Variants in TRIM11 observed in about 807,000 individuals in gnomAD.
TRIM11 encodes tripartite motif containing 11.
In TRIM11, 15 loss-of-function variants were observed where a neutral mutation model predicts 33.4. The observed-to-expected ratio is 0.45, with a 90% CI of 0.30 to 0.69. The LOEUF is 0.69. Among genes scored for constraint, TRIM11 ranks in the 30% least tolerant of loss-of-function variants. The pLI is 0.08. For synonymous variants in TRIM11, 281 were observed against 302.6 expected, an observed-to-expected ratio of 0.93 and a Z score of 0.74; for missense variants, 499 against 667.6, an observed-to-expected ratio of 0.75 and a Z score of 2.78.
rs1656216481 is a variant in TRIM11 at position 228,401,458 on chromosome 1, G to T, written c.505-264C>A. Among the ~76,000 whole-genome samples the T allele has an allele frequency of 6.6e-6, 1 of 151,914 alleles. No homozygotes were observed. Among genetic ancestry groups the T allele is most frequent in the African/African-American group, 2.4e-5 (1 of 41,312 alleles). The stretch of plus-strand genomic sequence containing the variant: ...AGCCAAATCCCATTCTACCACACAG[G>T]ACTGGCTAGACCCCAAATCTAAACC... On this transcript the variant is annotated intron_variant, in intron 2 of 5. Transcript: ENST00000284551. The surrounding 1 kb of genome is among the most constrained non-coding windows in gnomAD (Gnocchi z 6.1).
chr1:228,406,331 C>A lies in TRIM11; in HGVS notation c.231G>T (p.Met77Ile). Residue 77 changes from methionine to isoleucine, a missense_variant, in exon 1 of 6, where the codon ATG (methionine) becomes ATT (isoleucine). Physicochemically the swap from Met to Ile is conservative, Grantham distance 10 (BLOSUM62 1). Transcript: ENST00000284551. The surrounding 1 kb of genome is among the most constrained non-coding windows in gnomAD (Gnocchi z 8.2). ...GCGACGGCGGGTGCAGGCGCCGCGCCATCTCGGCCATCTTAGCAAGCGGGC... is the reference window on the plus strand; with the variant it reads ...GCGACGGCGGGTGCAGGCGCCGCGCAATCTCGGCCATCTTAGCAAGCGGGC... Reference protein sequence around the residue: ...PNRPLAKMAEMARRLHPPSPV... With the variant: ...PNRPLAKMAEIARRLHPPSPV... The A allele has an allele frequency of 6.8e-7, 1 of 1,473,642 alleles. No homozygotes were observed. Among genetic ancestry groups the A allele is most frequent in the South Asian group, 1.3e-5 (1 of 77,236 alleles). The allele number at this position is 1,473,642 out of a possible 1,614,324, so 91.3% of individuals were successfully genotyped here.
At chr1:228,399,879 CA>C (rs55896989) in intron 3 of TRIM11, among the ~76,000 whole-genome samples, 4 of 115,984 alleles carry the variant, frequency 3.4e-5, no homozygotes, top group East Asian at 2.5e-4. Flanking sequence ...CTTAAATCTA[CA>C]AAAAAAAAAA....
intron 1 of TRIM11, chr1:228,402,399 C>T (rs1484278343): frequency 2.5e-6 from 1 of 407,490 alleles, no homozygotes; most frequent in Non-Finnish European, 4.4e-6. Flanking sequence ...TGGGGCATTT[C>T]TAGTCCTCGA....
intron 5 of TRIM11, chr1:228,396,411 T>A: frequency 2.0e-6 from 1 of 508,138 alleles, no homozygotes; most frequent in Non-Finnish European, 3.5e-6. Context: ...CCAGGGAGGG[T>A]GGGAAAGCTC....
rs142547776 is a variant in TRIM11, at chr1:228,402,438, C to G, written c.409-277G>C. The G allele has an allele frequency of 9.0e-5, 26 of 288,500 alleles. No individual in the cohort carries two copies. In the East Asian group the frequency reaches 1.5e-3, roughly 17 times the overall value. 17.9% of individuals were successfully genotyped at this position (288,500 alleles called of 1,614,324 possible). ...TGCTACCCTAGCCCAGGCCTCACCC[C>G]CCTTTGCAAAGCTACCTCAAGGGTT... On this transcript the variant is annotated intron_variant, in intron 1 of 5. Transcript: ENST00000284551.
chr1:228,406,043 T>C lies in TRIM11; in HGVS notation c.408+111A>G, dbSNP rs1219888585. The stretch of plus-strand genomic sequence containing the variant: ...AGGCTGCATCCTGAGCTCCCCGCCC[T>C]AGACAGAGACAGATTACTCCCGGAG... On this transcript the variant is annotated intron_variant, in intron 1 of 5. Transcript: ENST00000284551. The surrounding 1 kb of genome is among the most constrained non-coding windows in gnomAD (Gnocchi z 8.2). The C allele has an allele frequency of 1.6e-6, 2 of 1,233,286 alleles. No homozygotes were observed. The highest frequency in any genetic ancestry group is 1.0e-6 in the Non-Finnish European group (1 of 962,722). 76.4% of individuals were successfully genotyped at this position (1,233,286 alleles called of 1,614,324 possible). A position where few individuals can be genotyped will look rare whatever the true frequency, so the allele number is the denominator to read the frequency against.
At chr1:228,396,638 G>A (rs777138067) in intron 5 of TRIM11, 73 of 705,874 alleles carry the variant, frequency 1.0e-4, no homozygotes, top group Non-Finnish European at 2.1e-5. Context: ...AGTCTTATGG[G>A]ACTGAGCCCT....
At chr1:228,397,194 G>C in intron 3 of TRIM11, 29 bp from the exon 4 acceptor site, 1 of 1,606,206 alleles carries the variant, frequency 6.2e-7, no homozygotes, top group Non-Finnish European at 8.5e-7. Context: ...CAGCACACTC[G>C]GTGTCAGTGA....
Position 228,401,922 on chromosome 1 carries a change from C to T in TRIM11, c.504+144G>A, listed in dbSNP as rs900259165. 2 of 543,554 alleles carry T rather than the reference C, an allele frequency of 3.7e-6. No individual in the cohort carries two copies. The highest frequency in any genetic ancestry group is 3.9e-5 in the African/African-American group (2 of 50,636). 33.7% of individuals were successfully genotyped at this position (543,554 alleles called of 1,614,324 possible). A position where few individuals can be genotyped will look rare whatever the true frequency, so the allele number is the denominator to read the frequency against. ...GGGAAAGGACCAGCCCTTCAGTGGG[C>T]TCGGTGGGGCCAGGCTGAAGCAGTG... On this transcript the variant is annotated intron_variant, in intron 2 of 5. Coordinates refer to ENST00000284551, the MANE Select transcript of TRIM11 (RefSeq NM_145214.3). The surrounding 1 kb of genome is among the most constrained non-coding windows in gnomAD (Gnocchi z 6.1).
chr1:228,394,624 C>T lies in TRIM11; in HGVS notation c.*81G>A. The T allele has an allele frequency of 1.4e-6, 2 of 1,436,074 alleles. No individual in the cohort carries two copies. Among genetic ancestry groups the T allele is most frequent in the Non-Finnish European group, 9.3e-7 (1 of 1,073,058 alleles). The allele number at this position is 1,436,074 out of a possible 1,614,324, so 89.0% of individuals were successfully genotyped here. A position where few individuals can be genotyped will look rare whatever the true frequency, so the allele number is the denominator to read the frequency against. On this transcript the variant is annotated 3_prime_UTR_variant, in exon 6 of 6. Coordinates refer to ENST00000284551, the MANE Select transcript of TRIM11 (RefSeq NM_145214.3). The surrounding 1 kb of genome is among the most constrained non-coding windows in gnomAD (Gnocchi z 6.2). ...TTGCTCAAAGGACACACTCCCTCCTCCCAGGTCCTCCAAGTGGCCAAAACA... is the reference window on the plus strand; with the variant it reads ...TTGCTCAAAGGACACACTCCCTCCTTCCAGGTCCTCCAAGTGGCCAAAACA...
rs1326611409 is a variant in TRIM11, at chr1:228,403,780, G to A, written c.409-1619C>T. 1 of 152,258 alleles carries A rather than the reference G, an allele frequency of 6.6e-6. No homozygotes were observed. Among genetic ancestry groups the A allele is most frequent in the African/African-American group, 2.4e-5 (1 of 41,454 alleles). 9.4% of individuals were successfully genotyped at this position (152,258 alleles called of 1,614,324 possible). On this transcript the variant is annotated intron_variant, in intron 1 of 5. Coordinates refer to ENST00000284551, the MANE Select transcript of TRIM11 (RefSeq NM_145214.3). This position sits in a 1 kb window ranked among gnomAD's most constrained non-coding sequence, Gnocchi z 4.8. ...AGTGATTCTTCTGCCTCAGCCCCCTGAGTAGCTGGGATTACAGGTGCCCAT... is the reference window on the plus strand; with the variant it reads ...AGTGATTCTTCTGCCTCAGCCCCCTAAGTAGCTGGGATTACAGGTGCCCAT...
In TRIM11 at chr1:228,406,819, G is replaced by A. The variant is rs868121420; in HGVS notation, c.-258C>T. The A allele has an allele frequency of 3.5e-6, 1 of 286,862 alleles. No individual in the cohort carries two copies. Among genetic ancestry groups the A allele is most frequent in the Non-Finnish European group, 6.3e-6 (1 of 157,828 alleles). The allele number at this position is 286,862 out of a possible 1,614,324, so 17.8% of individuals were successfully genotyped here. A position where few individuals can be genotyped will look rare whatever the true frequency, so the allele number is the denominator to read the frequency against. ...GACGTAGGGATCCCGGATGCCGGCA[G>A]GAAGAGGAGCCGAGGCGGAAGCAGG... On this transcript the variant is annotated 5_prime_UTR_variant, in exon 1 of 6. Coordinates refer to ENST00000284551, the MANE Select transcript of TRIM11 (RefSeq NM_145214.3). This position sits in a 1 kb window ranked among gnomAD's most constrained non-coding sequence, Gnocchi z 8.2.
chr1:228,404,622 A>G (rs1656339837), intron 1 of TRIM11: 1 of 152,256 alleles, frequency 6.6e-6, no homozygotes, highest in South Asian at 2.1e-4. Context: ...AAAGTAGGGT[A>G]TTCATTCCCC....
At chr1:228,396,655 GT>G (rs1314243981) in intron 5 of TRIM11, 2 of 712,540 alleles carry the variant, frequency 2.8e-6, no homozygotes, top group African/African-American at 3.5e-5. Context: ...CCCTTAATCT[GT>G]GGGGTCTGTA....
At chr1:228,397,722 GTA>G (rs1212253313) in intron 3 of TRIM11, 1 of 152,906 alleles carries the variant, frequency 6.5e-6, no homozygotes, top group African/African-American at 2.4e-5. Context: ...CGCCAAATCC[GTA>G]TGTTGAAGCC....
Position 228,406,096 on chromosome 1 carries a change from G to A in TRIM11, c.408+58C>T. ...GTCCCCCAAACCTCCCACCCGCCCAGGCCTCCCCAGTCCCCGGCTCCCCGA... is the reference window on the plus strand; with the variant it reads ...GTCCCCCAAACCTCCCACCCGCCCAAGCCTCCCCAGTCCCCGGCTCCCCGA... On this transcript the variant is annotated intron_variant, in intron 1 of 5. Transcript: ENST00000284551. The surrounding 1 kb of genome is among the most constrained non-coding windows in gnomAD (Gnocchi z 8.2). The A allele has an allele frequency of 2.9e-6, 2 of 680,446 alleles. No individual in the cohort carries two copies. The highest frequency in any genetic ancestry group is 4.0e-5 in the East Asian group (1 of 25,034). 42.2% of individuals were successfully genotyped at this position (680,446 alleles called of 1,614,324 possible). A position where few individuals can be genotyped will look rare whatever the true frequency, so the allele number is the denominator to read the frequency against.
rs1249200919 is a variant in TRIM11 at position 228,401,345 on chromosome 1, G to T, written c.505-151C>A. 3 of 1,007,346 alleles carry T rather than the reference G, an allele frequency of 3.0e-6. No homozygotes were observed. The East Asian group carries it at 7.9e-5, about 27-fold the overall frequency. 62.4% of individuals were successfully genotyped at this position (1,007,346 alleles called of 1,614,324 possible). ...AAGCCAAAGCACAGCACCAGGTGTGGCAGGACCCCAAACCCACCACCTGGT... is the reference window on the plus strand; with the variant it reads ...AAGCCAAAGCACAGCACCAGGTGTGTCAGGACCCCAAACCCACCACCTGGT... On this transcript the variant is annotated intron_variant, in intron 2 of 5. Coordinates refer to ENST00000284551, the MANE Select transcript of TRIM11 (RefSeq NM_145214.3). This position sits in a 1 kb window ranked among gnomAD's most constrained non-coding sequence, Gnocchi z 6.1.
At chr1:228,398,608 C>T (rs2075005749) in intron 3 of TRIM11, among the ~76,000 whole-genome samples, 1 of 152,120 alleles carries the variant, frequency 6.6e-6, no homozygotes, top group Non-Finnish European at 1.5e-5. Flanking sequence ...GAGTGAGACC[C>T]TGTCTCAATA....
chr1:228,397,849 A>T (rs139269524), intron 3 of TRIM11, among the ~76,000 whole-genome samples: 1 of 152,322 alleles, frequency 6.6e-6, no homozygotes, highest in Non-Finnish European at 1.5e-5. Context: ...TGAGTCTCAT[A>T]AGAAGGGGCG....
Sources: allele counts gnomAD v4.1 joint callset (sites outside exome capture counted in the v4.1 genomes callset), GRCh38; gene constraint gnomAD v4.1.1; non-coding constraint Gnocchi (gnomAD v3.1); transcripts MANE v1.5; gene names NCBI Gene and HGNC (gene_info 2026-07-23, HGNC 2026-07-21).